The following ALPK2 variants were observed in gnomAD, a reference collection of about 807,000 sequenced individuals.
ALPK2 encodes the protein alpha-protein kinase 2.
In ALPK2, 127 loss-of-function variants were observed where a neutral mutation model predicts 163.1. The observed-to-expected ratio is 0.78, with a 90% CI of 0.67 to 0.90. ALPK2 has a LOEUF of 0.90. Ranked by LOEUF, ALPK2 falls within the 40% of genes least tolerant of loss-of-function variation. The pLI, the probability that ALPK2 is intolerant of heterozygous loss-of-function variation, is 0.00. For missense variants in ALPK2, 2,360 were observed against 2,589.6 expected (o/e 0.91, Z 1.92); for synonymous variants, 953 against 959.1 (o/e 0.99, Z 0.12).
At chr18:58,608,762 G>A (rs183844460) in intron 2 of ALPK2, among the ~76,000 whole-genome samples, 2 of 152,066 alleles carry the variant, frequency 1.3e-5, no homozygotes, top group East Asian at 3.9e-4. Flanking sequence ...GACCAGTCTG[G>A]GCCACATGGC....
intron 4 of ALPK2, among the ~76,000 whole-genome samples, chr18:58,540,019 A>G (rs999075958): frequency 1.3e-5 from 2 of 152,230 alleles, no homozygotes; most frequent in African/African-American, 2.4e-5. Context: ...GGACTACTTA[A>G]TCTTTTCAAC....
intron 3 of ALPK2, among the ~76,000 whole-genome samples, chr18:58,602,750 TGA>T (rs2052077676): frequency 6.6e-6 from 1 of 152,162 alleles, no homozygotes; most frequent in African/African-American, 2.4e-5. Flanking sequence ...AGTCACAGGA[TGA>T]GACAGGAGGT....
At chr18:58,590,239 A>T (rs1160775085) in intron 3 of ALPK2, among the ~76,000 whole-genome samples, 1 of 151,222 alleles carries the variant, frequency 6.6e-6, no homozygotes, top group African/African-American at 2.4e-5. Context: ...AAAAAAAAAA[A>T]AGATTTGGAA....
rs552985923 is a variant in ALPK2 at position 58,510,427 on chromosome 18, C to G, written c.6029+4566G>C. ...TTTTTTCCAATTCTGTGAAGAAAGT[C>G]ATTGGTAGCTTGATGAGGACGGCAT... On this transcript the variant is annotated intron_variant, in intron 10 of 12. Transcript: ENST00000361673. 4.3e-4 allele frequency among the ~76,000 whole-genome samples: 65 copies of G among 152,290 alleles called. 1 individual carries two copies. The highest frequency in any genetic ancestry group is 1.4e-3 in the African/African-American group (60 of 41,568).
At chr18:58,547,375 G>A (rs376154721) in intron 4 of ALPK2, among the ~76,000 whole-genome samples, 60 of 152,238 alleles carry the variant, frequency 3.9e-4, no homozygotes, top group Non-Finnish European at 7.8e-4. Context: ...GCAGGAAAGA[G>A]ACAGTGGGCT....
chr18:58,615,522 G>C (rs1318876416), intron 1 of ALPK2, among the ~76,000 whole-genome samples: 1 of 152,232 alleles, frequency 6.6e-6, no homozygotes, highest in Non-Finnish European at 1.5e-5. Flanking sequence ...TATGTCAATT[G>C]CCTTGTAAAT....
intron 2 of ALPK2, among the ~76,000 whole-genome samples, chr18:58,610,734 G>A (rs904728014): frequency 3.3e-5 from 5 of 152,130 alleles, no homozygotes; most frequent in African/African-American, 1.2e-4. Flanking sequence ...GAGGTCAAGA[G>A]ATGGAGACCA....
chr18:58,602,641 C>T (rs2052077266), intron 3 of ALPK2, among the ~76,000 whole-genome samples: 1 of 152,158 alleles, frequency 6.6e-6, no homozygotes, highest in Non-Finnish European at 1.5e-5. Flanking sequence ...CCCACCCTGT[C>T]AGAGGTGTTT....
chr18:58,534,539 T>A (rs954477983), intron 5 of ALPK2, among the ~76,000 whole-genome samples: 4 of 152,220 alleles, frequency 2.6e-5, no homozygotes, highest in Non-Finnish European at 4.4e-5. Context: ...CCAACAGACA[T>A]GCCTACAGGC....
intron 11 of ALPK2, among the ~76,000 whole-genome samples, chr18:58,498,773 G>C (rs571839349): frequency 6.6e-6 from 1 of 152,250 alleles, no homozygotes; most frequent in East Asian, 1.9e-4. Flanking sequence ...TCTGTCTGTG[G>C]CCTGCTGCCA....
At position 58,551,123 on chromosome 18, in the gene ALPK2, C is replaced by CAAA. The variant is rs1156412157; in HGVS notation, c.1963-12900_1963-12899insTTT. On this transcript the variant is annotated intron_variant, in intron 4 of 12. Coordinates refer to ENST00000361673, the MANE Select transcript of ALPK2 (RefSeq NM_052947.4). Reference sequence around the variant, plus strand: ...GAAACAAAAATGGAAAAAAAAAAACCCACATTTTTTTTCTTAATAATTCAC... The same window carrying CAAA: ...GAAACAAAAATGGAAAAAAAAAAACCAAACACATTTTTTTTCTTAATAATTCAC... Among the ~76,000 whole-genome samples the CAAA allele has an allele frequency of 8.8e-5, 11 of 125,494 alleles. No individual in the cohort carries two copies. The South Asian group carries it at 8.8e-4, about 10-fold the overall frequency. 82.3% of individuals were successfully genotyped at this position (125,494 alleles called of 152,430 possible).
chr18:58,587,957 A>C (rs1378284299), intron 3 of ALPK2, among the ~76,000 whole-genome samples: 2 of 152,196 alleles, frequency 1.3e-5, no homozygotes, highest in Non-Finnish European at 2.9e-5. Context: ...TTTTCAGAAA[A>C]TGTCTGCCAA....
chr18:58,603,987 TG>T (rs1218087212), intron 3 of ALPK2, among the ~76,000 whole-genome samples: 1 of 152,186 alleles, frequency 6.6e-6, no homozygotes, highest in African/African-American at 2.4e-5. Flanking sequence ...CCGTCTCACT[TG>T]CCTGAAGTGC....
chr18:58,503,810 G>A (rs2051446000), intron 11 of ALPK2, 121 bp downstream of exon 11: 2 of 835,866 alleles, frequency 2.4e-6, no homozygotes, highest in Non-Finnish European at 3.8e-6. Flanking sequence ...GCTTCTGCAG[G>A]TAAAGGTGTT....
chr18:58,514,565 C>T (rs2051511139), intron 10 of ALPK2, among the ~76,000 whole-genome samples: 1 of 152,170 alleles, frequency 6.6e-6, no homozygotes, highest in South Asian at 2.1e-4. Flanking sequence ...ACCCAATCCA[C>T]TCTTCCCTAT....
At chr18:58,489,620 G>A (rs965118488) in intron 12 of ALPK2, among the ~76,000 whole-genome samples, 7 of 151,436 alleles carry the variant, frequency 4.6e-5, no homozygotes, top group African/African-American at 1.5e-4. Context: ...CCAGGAGTTC[G>A]AGGCAGCAGT....
intron 4 of ALPK2, among the ~76,000 whole-genome samples, chr18:58,564,591 T>G (rs753733391): frequency 6.0e-4 from 91 of 152,112 alleles, no homozygotes; most frequent in Non-Finnish European, 7.5e-4. Flanking sequence ...TTAGACAGAC[T>G]TTCCTTACCA....
At chr18:58,583,320 G>A (rs1442697654) in intron 3 of ALPK2, among the ~76,000 whole-genome samples, 3 of 152,016 alleles carry the variant, frequency 2.0e-5, no homozygotes, top group Admixed American at 6.6e-5. Flanking sequence ...AGAGAGGAGG[G>A]TATAATGAGG....
At chr18:58,628,261 CT>C (rs1484865226) in intron 1 of ALPK2, among the ~76,000 whole-genome samples, 4 of 152,166 alleles carry the variant, frequency 2.6e-5, no homozygotes, top group Non-Finnish European at 5.9e-5. Flanking sequence ...AGACAATATA[CT>C]CCTGTGTCTA....
Sources: gnomAD v4.1 joint callset for allele counts (sites outside exome capture counted in the v4.1 genomes callset) on GRCh38, gnomAD v4.1.1 for gene constraint, MANE v1.5 for transcripts, NCBI Gene and HGNC (gene_info 2026-07-23, HGNC 2026-07-21) for gene names.